IGF1: variants seen among roughly 807,000 people sequenced by gnomAD.
IGF1 encodes insulin-like growth factor 1.
In IGF1, 4 loss-of-function variants were observed where a neutral mutation model predicts 13.8. The observed-to-expected ratio is 0.29, with a 90% CI of 0.14 to 0.66. The LOEUF is 0.66. IGF1 is among the 30% of genes least tolerant of loss of function. The pLI is 0.78. For missense variants in IGF1, 124 were observed against 188.5 expected (o/e 0.66, Z 2.00); for synonymous variants, 76 against 72.6 (o/e 1.05, Z -0.23).
At chr12:102,424,079 T>A (rs760518526) in intron 2 of IGF1, among the ~76,000 whole-genome samples, 102 of 152,210 alleles carry the variant, frequency 6.7e-4, no homozygotes, top group Non-Finnish European at 1.1e-3. Context: ...AGGGAAGACA[T>A]TGATTTGAAG....
chr12:102,464,026 A>C (rs1036522029), intron 2 of IGF1, among the ~76,000 whole-genome samples: 12 of 152,194 alleles, frequency 7.9e-5, no homozygotes, highest in Admixed American at 2.0e-4. Context: ...GTGTTCTCTA[A>C]GGGCTGGTGC....
At chr12:102,417,995 G>A in intron 3 of IGF1, 1 of 1,609,908 alleles carries the variant, frequency 6.2e-7, no homozygotes, top group East Asian at 2.2e-5. Flanking sequence ...TGGTAGATGG[G>A]GGCTGATACT....
At chr12:102,402,838 G>C (rs897768448) in intron 3 of IGF1, among the ~76,000 whole-genome samples, 1 of 152,068 alleles carries the variant, frequency 6.6e-6, no homozygotes, top group Non-Finnish European at 1.5e-5. Flanking sequence ...TGATTCATCT[G>C]CTTCTATCAC....
chr12:102,438,370 C>G (rs1877422711), intron 2 of IGF1, among the ~76,000 whole-genome samples: 2 of 152,208 alleles, frequency 1.3e-5, no homozygotes, highest in Non-Finnish European at 2.9e-5. Context: ...TTCAGCTCAG[C>G]ATTCACCAAA....
At chr12:102,443,600 G>A (rs1460303718) in intron 2 of IGF1, among the ~76,000 whole-genome samples, 1 of 152,040 alleles carries the variant, frequency 6.6e-6, no homozygotes, top group African/African-American at 2.4e-5. Context: ...GTTTCTCACA[G>A]AGTATTTTCA....
intron 3 of IGF1, among the ~76,000 whole-genome samples, chr12:102,418,394 G>T (rs866200462): frequency 2.0e-5 from 3 of 152,200 alleles, no homozygotes; most frequent in South Asian, 2.1e-4. Flanking sequence ...GGGCTCCCTG[G>T]GGTCACATCT....
chr12:102,475,280 A>C (rs113607978), intron 2 of IGF1, among the ~76,000 whole-genome samples: 1 of 152,078 alleles, frequency 6.6e-6, no homozygotes, highest in Non-Finnish European at 1.5e-5. Flanking sequence ...CATGTGTTCC[A>C]TATGTTTATA....
rs1444900609 is a variant in IGF1 at position 102,441,909 on chromosome 12, T to TGCTGCTG, written c.221-22220_221-22219insCAGCAGC. On this transcript the variant is annotated intron_variant, in intron 2 of 3. Coordinates refer to ENST00000337514, the MANE Select transcript of IGF1 (RefSeq NM_000618.5). Reference sequence around the variant, plus strand: ...CACTAAGTCATTCTATTACACTGCTTCTTCTCCTTCTTCTTCTTCTTCTTC... The same window carrying TGCTGCTG: ...CACTAAGTCATTCTATTACACTGCTTGCTGCTGCTTCTCCTTCTTCTTCTTCTTCTTC... Among the ~76,000 whole-genome samples the TGCTGCTG allele has an allele frequency of 2.1e-3, 41 of 19,742 alleles. 2 individuals are homozygous for TGCTGCTG. The highest frequency in any genetic ancestry group is 3.4e-3 in the African/African-American group (18 of 5,362). 13.0% of individuals were successfully genotyped at this position (19,742 alleles called of 152,430 possible). A position where few individuals can be genotyped will look rare whatever the true frequency, so the allele number is the denominator to read the frequency against.
At chr12:102,478,315 AAG>A (rs1881195680) in intron 1 of IGF1, among the ~76,000 whole-genome samples, 1 of 152,094 alleles carries the variant, frequency 6.6e-6, no homozygotes, top group Non-Finnish European at 1.5e-5. Context: ...ATGAGAAAAA[AAG>A]AAAAAAAAAT....
At chr12:102,433,769 GA>G (rs767451346) in intron 2 of IGF1, among the ~76,000 whole-genome samples, 6 of 152,160 alleles carry the variant, frequency 3.9e-5, no homozygotes, top group Non-Finnish European at 7.4e-5. Context: ...AGCAATAGAA[GA>G]AATTTGTACT....
chr12:102,473,523 G>A (rs1020659103), intron 2 of IGF1, among the ~76,000 whole-genome samples: 4 of 152,188 alleles, frequency 2.6e-5, no homozygotes, highest in Non-Finnish European at 5.9e-5. Flanking sequence ...CTGTGCATGA[G>A]GGTATGTCGG....
chr12:102,467,706 C>A (rs1880426846), intron 2 of IGF1, among the ~76,000 whole-genome samples: 1 of 152,176 alleles, frequency 6.6e-6, no homozygotes, highest in South Asian at 2.1e-4. Context: ...GATCTATGCT[C>A]ATTTGGATGA....
chr12:102,440,098 C>T (rs1200915873), intron 2 of IGF1, among the ~76,000 whole-genome samples: 1 of 152,186 alleles, frequency 6.6e-6, no homozygotes, highest in Non-Finnish European at 1.5e-5. Context: ...ATCTTTGATT[C>T]TTACGGCCGC....
intron 2 of IGF1, among the ~76,000 whole-genome samples, chr12:102,456,221 GGTGTGTGTGTGTGTGTGTGTGTGTGT>G (rs59075811): frequency 9.8e-4 from 138 of 140,274 alleles, no homozygotes; most frequent in African/African-American, 3.4e-3. Flanking sequence ...ATTTAAAAAA[GGTGTGTGTGTGTGTGTGTGTGTGTGT>G]GTGTGTGTGT....
chr12:102,481,063 C>T (rs1302116299), upstream of IGF1, among the ~76,000 whole-genome samples: 5 of 152,134 alleles, frequency 3.3e-5, no homozygotes, highest in African/African-American at 9.7e-5. Context: ...TCGGGTGACC[C>T]CTTGTCCCAG....
chr12:102,432,027 G>C (rs1037804545), intron 2 of IGF1, among the ~76,000 whole-genome samples: 1 of 152,126 alleles, frequency 6.6e-6, no homozygotes, highest in East Asian at 1.9e-4. Flanking sequence ...CTGAAATAGA[G>C]AAGTTTTTAC....
In IGF1 at chr12:102,441,906, G is replaced by GCTGCTGCTTCTTCTTCTT; in HGVS notation, c.221-22217_221-22216insAAGAAGAAGAAGCAGCAG. Among the ~76,000 whole-genome samples the GCTGCTGCTTCTTCTTCTT allele has an allele frequency of 8.0e-3, 803 of 100,190 alleles. 38 individuals are homozygous for GCTGCTGCTTCTTCTTCTT. The highest frequency in any genetic ancestry group is 0.027 in the Middle Eastern group (6 of 226). 65.7% of individuals were successfully genotyped at this position (100,190 alleles called of 152,430 possible). Reference sequence around the variant, plus strand: ...GAGCACTAAGTCATTCTATTACACTGCTTCTTCTCCTTCTTCTTCTTCTTC... The same window carrying GCTGCTGCTTCTTCTTCTT: ...GAGCACTAAGTCATTCTATTACACTGCTGCTGCTTCTTCTTCTTCTTCTTCTCCTTCTTCTTCTTCTTC... On this transcript the variant is annotated intron_variant, in intron 2 of 3. Coordinates refer to ENST00000337514, the MANE Select transcript of IGF1 (RefSeq NM_000618.5).
chr12:102,448,210 A>T (rs1245974302), intron 2 of IGF1, among the ~76,000 whole-genome samples: 2 of 148,562 alleles, frequency 1.3e-5, no homozygotes. Flanking sequence ...AAGGACTATA[A>T]ATCATGCTGC....
Position 102,399,419 on chromosome 12 carries a change from T to C in IGF1, c.*3088A>G, listed in dbSNP as rs1207954240. On this transcript the variant is annotated 3_prime_UTR_variant, in exon 4 of 4. Transcript: ENST00000337514. ...TTGAAATTGCCTCATTCAAGAATTA[T>C]AAAGCAATCTAATTCTGAAGCAAAG... is the stretch of plus-strand genomic sequence containing the variant. 6.6e-6 allele frequency: 1 copy of C among 152,272 alleles called. No individual in the cohort carries two copies. Among genetic ancestry groups the C allele is most frequent in the Non-Finnish European group, 1.5e-5 (1 of 68,004 alleles). The allele number at this position is 152,272 out of a possible 1,614,324, so 9.4% of individuals were successfully genotyped here.
Sources: allele counts gnomAD v4.1 joint callset (sites outside exome capture counted in the v4.1 genomes callset), GRCh38; gene constraint gnomAD v4.1.1; transcripts MANE v1.5; gene names NCBI Gene and HGNC (gene_info 2026-07-23, HGNC 2026-07-21).